Variants in EXOC6 observed in about 807,000 individuals in gnomAD.
The protein encoded by EXOC6 is exocyst complex component 6, also known as SEC15-like 1.
A neutral mutation model predicts 112.5 loss-of-function variants in EXOC6; 60 were observed. The ratio of observed to expected loss-of-function variants is 0.53; its 90% CI spans 0.43 to 0.66. The LOEUF (loss-of-function observed/expected upper bound fraction) is 0.66. EXOC6 is among the 30% of genes least tolerant of loss of function. The pLI is 0.00. For missense variants in EXOC6, 855 were observed against 957.1 expected, an observed-to-expected ratio of 0.89 and a Z score of 1.41; for synonymous variants, 295 against 308.0, an observed-to-expected ratio of 0.96 and a Z score of 0.44.
intron 13 of EXOC6, among the ~76,000 whole-genome samples, chr10:92,942,651 T>C (rs1449768295): frequency 6.6e-6 from 1 of 152,182 alleles, no homozygotes; most frequent in Non-Finnish European, 1.5e-5. Flanking sequence ...TGCTATGATA[T>C]AATGTATAAT....
intron 18 of EXOC6, among the ~76,000 whole-genome samples, chr10:92,975,931 C>G (rs1234803978): frequency 7.1e-6 from 1 of 141,442 alleles, no homozygotes; most frequent in African/African-American, 2.6e-5. Context: ...GGGGGTCAGC[C>G]CCCCGCCCGG....
chr10:92,845,855 T>A (rs918907326), upstream of EXOC6, among the ~76,000 whole-genome samples: 3 of 152,100 alleles, frequency 2.0e-5, no homozygotes, highest in Admixed American at 1.3e-4. Flanking sequence ...GGAGAATCAC[T>A]TGAACCCAGG....
At chr10:93,057,921 T>A (rs960007929) in intron 21 of EXOC6, among the ~76,000 whole-genome samples, 1 of 152,196 alleles carries the variant, frequency 6.6e-6, no homozygotes, top group Non-Finnish European at 1.5e-5. Context: ...ATACAGGGTA[T>A]GTATTTTAGC....
In EXOC6 at chr10:93,050,759, C is replaced by CAA. The variant is rs58439083; in HGVS notation, c.2170-6144_2170-6143dup. On this transcript the variant is annotated intron_variant, in intron 20 of 21. Transcript: ENST00000260762. ...TGGGCAACAAAGCGAGACTCCGTCT[C>CAA]AAAAAAAAAAAAAAAAAAAAAAGAA... Among the ~76,000 whole-genome samples, 134 of 37,292 alleles carry CAA rather than the reference C, an allele frequency of 3.6e-3. 14 individuals carry two copies. The highest frequency in any genetic ancestry group is 5.0e-3 in the Non-Finnish European group (114 of 22,708). The allele number at this position is 37,292 out of a possible 152,430, so 24.5% of individuals were successfully genotyped here.
intron 17 of EXOC6, among the ~76,000 whole-genome samples, chr10:92,965,597 A>G (rs1045583980): frequency 2.0e-5 from 3 of 152,186 alleles, no homozygotes; most frequent in African/African-American, 7.2e-5. Flanking sequence ...AAGAAGTTCT[A>G]ACTAATTTCC....
chr10:92,973,506 G>A (rs1238341077), intron 17 of EXOC6, among the ~76,000 whole-genome samples: 1 of 152,212 alleles, frequency 6.6e-6, no homozygotes, highest in Non-Finnish European at 1.5e-5. Flanking sequence ...TTTTATGGAT[G>A]AGAAAATGTT....
At chr10:93,043,140 T>C (rs1046661176) in intron 20 of EXOC6, among the ~76,000 whole-genome samples, 2 of 152,044 alleles carry the variant, frequency 1.3e-5, no homozygotes, top group Non-Finnish European at 2.9e-5. Flanking sequence ...TTTCACCATC[T>C]TGGCCAGGCT....
chr10:92,996,249 A>T (rs1162005506), intron 18 of EXOC6, among the ~76,000 whole-genome samples: 1 of 152,218 alleles, frequency 6.6e-6, no homozygotes, highest in Admixed American at 6.5e-5. Context: ...ATGAAATCAC[A>T]TGATTGTCAG....
At chr10:92,986,965 T>G (rs1459255167) in intron 18 of EXOC6, among the ~76,000 whole-genome samples, 1 of 152,204 alleles carries the variant, frequency 6.6e-6, no homozygotes, top group African/African-American at 2.4e-5. Context: ...AACATTTAAA[T>G]AATTAGCTGT....
At chr10:92,834,630 A>T, upstream of EXOC6, 1 of 854,412 alleles carries the variant, frequency 1.2e-6, no homozygotes, top group Non-Finnish European at 1.8e-6. Context: ...TGAACAGAGA[A>T]TCCTTCTAAT....
chr10:92,999,097 C>T (rs1843631639), intron 19 of EXOC6, among the ~76,000 whole-genome samples: 1 of 152,082 alleles, frequency 6.6e-6, no homozygotes, highest in African/African-American at 2.4e-5. Flanking sequence ...GTCGCAAACT[C>T]CTGGCCTCAA....
At chr10:93,023,777 C>T (rs1159756242) in intron 20 of EXOC6, among the ~76,000 whole-genome samples, 1 of 151,958 alleles carries the variant, frequency 6.6e-6, no homozygotes, top group Non-Finnish European at 1.5e-5. Flanking sequence ...TATATGAAAA[C>T]TTAAAAAAAT....
At chr10:92,983,805 C>A (rs1316768865) in intron 18 of EXOC6, among the ~76,000 whole-genome samples, 2 of 152,116 alleles carry the variant, frequency 1.3e-5, no homozygotes, top group Non-Finnish European at 2.9e-5. Flanking sequence ...CTGCGCCAAG[C>A]CTATTTCTTT....
At chr10:92,985,916 G>T (rs558281048) in intron 18 of EXOC6, among the ~76,000 whole-genome samples, 1 of 151,972 alleles carries the variant, frequency 6.6e-6, no homozygotes, top group African/African-American at 2.4e-5. Flanking sequence ...AAATTATGAC[G>T]TAGGCAGCTT....
intron 13 of EXOC6, 43 bp downstream of exon 13, chr10:92,940,867 T>A: frequency 8.0e-7 from 1 of 1,254,882 alleles, no homozygotes; most frequent in Non-Finnish European, 1.2e-6. Flanking sequence ...AATATGTTTG[T>A]CAAATGCTCA....
chr10:92,941,850 C>G (rs1329491269), intron 13 of EXOC6, among the ~76,000 whole-genome samples: 7 of 152,158 alleles, frequency 4.6e-5, no homozygotes, highest in Admixed American at 4.6e-4. Flanking sequence ...ACTTGAATTA[C>G]TAAAAGTTTT....
intron 1 of EXOC6, among the ~76,000 whole-genome samples, chr10:92,881,777 TG>T (rs148796374): frequency 0.022 from 3,316 of 152,222 alleles, 54 homozygotes; most frequent in African/African-American, 0.041. Flanking sequence ...TATTGAATCA[TG>T]GGGGTGGTTT....
At chr10:92,955,500 T>C (rs1341655941) in intron 16 of EXOC6, 80 bp from the exon 17 acceptor site, 2 of 1,135,348 alleles carry the variant, frequency 1.8e-6, no homozygotes, top group East Asian at 4.7e-5. Context: ...TTGCTGGAAG[T>C]AATAATCCCA....
intron 9 of EXOC6, 55 bp downstream of exon 9, chr10:92,928,477 T>G: frequency 9.6e-7 from 1 of 1,043,756 alleles, no homozygotes; most frequent in Non-Finnish European, 1.5e-6. Flanking sequence ...CCCCTTACCC[T>G]GTTTTAATTT....
Sources: gnomAD v4.1 joint callset for allele counts (sites outside exome capture counted in the v4.1 genomes callset) on GRCh38, gnomAD v4.1.1 for gene constraint, MANE v1.5 for transcripts, NCBI Gene and HGNC (gene_info 2026-07-23, HGNC 2026-07-21) for gene names.